The following CHL1 variants were observed in gnomAD, a reference collection of about 807,000 sequenced individuals.
CHL1 encodes the protein neural cell adhesion molecule L1-like protein.
Under a neutral mutation model 141.9 loss-of-function variants are expected in CHL1, and 96 were observed. The ratio of observed to expected loss-of-function variants is 0.68; its 90% CI spans 0.57 to 0.80. The LOEUF is 0.80. Ranked by LOEUF, CHL1 falls within the 30% of genes least tolerant of loss-of-function variation. The pLI is 0.00. For synonymous variants in CHL1, 613 were observed against 502.2 expected (o/e 1.22, Z -2.95); for missense variants, 1,820 against 1,457.2 (o/e 1.25, Z -4.05).
Position 344,727 on chromosome 3 carries a change from C to G in CHL1, c.848+18C>G. 3 of 1,612,144 alleles carry G rather than the reference C, an allele frequency of 1.9e-6. No homozygotes were observed. The highest frequency in any genetic ancestry group is 2.5e-6 in the Non-Finnish European group (3 of 1,178,912). On this transcript the variant is annotated intron_variant, in intron 9 of 27. Coordinates refer to ENST00000256509, the MANE Select transcript of CHL1 (RefSeq NM_006614.4). ...GAAGGCTTGTGAGTAACCTGACTCT[C>G]ACTCATGACTTTGTCCATCCAGTTC... is the stretch of plus-strand genomic sequence containing the variant.
At chr3:344,342 AAAT>A (rs1419634622) in intron 8 of CHL1, among the ~76,000 whole-genome samples, 1 of 152,168 alleles carries the variant, frequency 6.6e-6, no homozygotes, top group East Asian at 1.9e-4. Context: ...GATATGGTAT[AAAT>A]AATAATATTT....
intron 3 of CHL1, among the ~76,000 whole-genome samples, chr3:325,343 C>T (rs1245279972): frequency 1.3e-5 from 2 of 151,744 alleles, no homozygotes; most frequent in Non-Finnish European, 2.9e-5. Context: ...TTACAATTTA[C>T]CCAGAGTAAT....
intron 1 of CHL1, among the ~76,000 whole-genome samples, chr3:219,567 C>G (rs557200705): frequency 6.6e-6 from 1 of 152,110 alleles, no homozygotes; most frequent in Non-Finnish European, 1.5e-5. Context: ...AGGCTATTAT[C>G]CTTAGCAAAC....
At chr3:333,886 G>C (rs911809298) in intron 5 of CHL1, among the ~76,000 whole-genome samples, 2 of 152,104 alleles carry the variant, frequency 1.3e-5, no homozygotes, top group African/African-American at 4.8e-5. Context: ...TCTCCACTTA[G>C]CATTCCTGGC....
intron 2 of CHL1, among the ~76,000 whole-genome samples, chr3:275,149 C>A (rs1432249829): frequency 1.3e-5 from 2 of 152,162 alleles, no homozygotes; most frequent in African/African-American, 4.8e-5. Context: ...ATGAAACTGC[C>A]CCTTAAAGGA....
chr3:388,957 C>A (rs113267857), intron 19 of CHL1, among the ~76,000 whole-genome samples: 184 of 152,342 alleles, frequency 1.2e-3, no homozygotes, highest in African/African-American at 4.1e-3. Flanking sequence ...TGTGGAATTT[C>A]TTTGTAACTT....
chr3:360,137 G>C (rs1704094851), intron 11 of CHL1, 147 bp from the exon 12 acceptor site: 2 of 798,474 alleles, frequency 2.5e-6, no homozygotes, highest in African/African-American at 1.8e-5. Flanking sequence ...TTGATGTTCA[G>C]AAAACCTAAA....
intron 2 of CHL1, among the ~76,000 whole-genome samples, chr3:277,327 T>C (rs749315063): frequency 2.6e-5 from 4 of 152,126 alleles, no homozygotes; most frequent in Non-Finnish European, 5.9e-5. Context: ...CTTAAGGAAG[T>C]TTATATTTAA....
intron 12 of CHL1, among the ~76,000 whole-genome samples, chr3:361,144 G>A (rs1437570441): frequency 6.6e-6 from 1 of 151,758 alleles, no homozygotes; most frequent in Non-Finnish European, 1.5e-5. Flanking sequence ...TTAATAAATG[G>A]TGCTGGGAAA....
At chr3:386,258 A>G (rs904449389) in intron 19 of CHL1, among the ~76,000 whole-genome samples, 2 of 151,222 alleles carry the variant, frequency 1.3e-5, no homozygotes, top group African/African-American at 4.9e-5. Flanking sequence ...AACAATGAAG[A>G]TGAGCAGTAG....
At chr3:203,223 G>A (rs921599653) in intron 1 of CHL1, among the ~76,000 whole-genome samples, 6 of 152,152 alleles carry the variant, frequency 3.9e-5, no homozygotes, top group Non-Finnish European at 5.9e-5. Flanking sequence ...TTTGAACACC[G>A]CTTGTATAAA....
chr3:247,152 A>C (rs1574848887), intron 2 of CHL1: 1 of 152,050 alleles, frequency 6.6e-6, no homozygotes, highest in Admixed American at 6.6e-5. Flanking sequence ...TGAAGTTTTT[A>C]TAAAGATATT....
chr3:287,638 T>G (rs567858910), intron 2 of CHL1, among the ~76,000 whole-genome samples: 1 of 152,342 alleles, frequency 6.6e-6, no homozygotes, highest in South Asian at 2.1e-4. Flanking sequence ...ACTAACTGGA[T>G]TTAGTAAGAT....
At position 349,519 on chromosome 3, in the gene CHL1, C is replaced by A. The variant is rs1207519622; in HGVS notation, c.1009C>A (p.His337Asn). The change falls in exon 10 of 28, where the codon CAC becomes AAC. Residue 337 changes from histidine (H) to asparagine (N), a missense_variant. Transcript: ENST00000256509. ...CAGCAATTTCTTGGGAACAGCCACT[C>A]ACGATTTTCACGTTATAGTAGAAGG... ...TASNFLGTAT[H>N]DFHVIVEEPP... 1 of 1,613,376 alleles carries A rather than the reference C, an allele frequency of 6.2e-7. No individual in the cohort carries two copies. The highest frequency in any genetic ancestry group is 8.5e-7 in the Non-Finnish European group (1 of 1,179,792).
chr3:276,525 T>C (rs1696114085), intron 2 of CHL1, among the ~76,000 whole-genome samples: 1 of 151,884 alleles, frequency 6.6e-6, no homozygotes, highest in South Asian at 2.1e-4. Flanking sequence ...CCAAGGAAAA[T>C]CTCCTGATTA....
chr3:374,722 C>T (rs1706097084), intron 15 of CHL1, among the ~76,000 whole-genome samples: 1 of 152,206 alleles, frequency 6.6e-6, no homozygotes, highest in African/African-American at 2.4e-5. Context: ...GGAGTAACTG[C>T]TGCTGGCTGG....
At chr3:242,533 T>G (rs796412926) in intron 1 of CHL1, among the ~76,000 whole-genome samples, 1 of 151,958 alleles carries the variant, frequency 6.6e-6, no homozygotes, top group Non-Finnish European at 1.5e-5. Flanking sequence ...GAGGCAGAGC[T>G]TGCAGTGAGC....
chr3:204,753 A>G (rs1322041780), intron 1 of CHL1, among the ~76,000 whole-genome samples: 1 of 152,178 alleles, frequency 6.6e-6, no homozygotes, highest in Non-Finnish European at 1.5e-5. Context: ...CTGATACTGG[A>G]TGCTGCATTT....
At chr3:309,926 TA>T (rs1354457336) in intron 2 of CHL1, among the ~76,000 whole-genome samples, 5 of 152,228 alleles carry the variant, frequency 3.3e-5, no homozygotes, top group African/African-American at 1.2e-4. Flanking sequence ...GTTAAATTTT[TA>T]TCATTAGTTT....
Sources: allele counts gnomAD v4.1 joint callset (sites outside exome capture counted in the v4.1 genomes callset), GRCh38; gene constraint gnomAD v4.1.1; transcripts MANE v1.5; gene names NCBI Gene and HGNC (gene_info 2026-07-23, HGNC 2026-07-21).